The following VANGL1 variants were observed in gnomAD, a reference collection of about 807,000 sequenced individuals.
VANGL1 encodes vang-like protein 1.
A neutral mutation model predicts 48.4 loss-of-function variants in VANGL1; 18 were observed. The ratio of observed to expected loss-of-function variants is 0.37; its 90% CI spans 0.26 to 0.55. The LOEUF (loss-of-function observed/expected upper bound fraction) is 0.55. VANGL1 is among the 20% of genes least tolerant of loss of function. VANGL1 has a pLI of 0.81. For synonymous variants in VANGL1, 257 were observed against 261.8 expected, an observed-to-expected ratio of 0.98 and a Z score of 0.18; for missense variants, 667 against 675.8, an observed-to-expected ratio of 0.99 and a Z score of 0.14.
intron 7 of VANGL1, among the ~76,000 whole-genome samples, chr1:115,686,436 G>A (rs755697011): frequency 1.3e-5 from 2 of 151,366 alleles, no homozygotes; most frequent in Non-Finnish European, 2.9e-5. Context: ...TTACTGAGTG[G>A]TCTTTTAGAT....
chr1:115,678,572 G>C (rs561468873), intron 4 of VANGL1, among the ~76,000 whole-genome samples: 1 of 152,204 alleles, frequency 6.6e-6, no homozygotes, highest in African/African-American at 2.4e-5. Flanking sequence ...CCTTATGTAC[G>C]TGGCACAGCT....
chr1:115,651,750 T>C (rs1029521430), intron 2 of VANGL1, among the ~76,000 whole-genome samples: 7 of 152,112 alleles, frequency 4.6e-5, no homozygotes, highest in Non-Finnish European at 8.8e-5. Flanking sequence ...GTTTTTCATT[T>C]CTAGGTATTT....
At chr1:115,651,993 C>G (rs544201871) in intron 2 of VANGL1, among the ~76,000 whole-genome samples, 17 of 152,250 alleles carry the variant, frequency 1.1e-4, no homozygotes, top group Admixed American at 3.9e-4. Flanking sequence ...ACCTTGTGAT[C>G]CGCCCGCCTC....
At chr1:115,690,480 G>C (rs1653787569) in intron 7 of VANGL1, among the ~76,000 whole-genome samples, 4 of 152,248 alleles carry the variant, frequency 2.6e-5, no homozygotes, top group African/African-American at 9.6e-5. Flanking sequence ...TGCACACTTA[G>C]CCCAACATGG....
chr1:115,654,498 T>TAAA (rs869142756), intron 2 of VANGL1, among the ~76,000 whole-genome samples: 3,511 of 90,732 alleles, frequency 0.039, 243 homozygotes, highest in African/African-American at 0.13. Flanking sequence ...TTGGTAGGGC[T>TAAA]AAAAAAAAAA....
intron 2 of VANGL1, among the ~76,000 whole-genome samples, chr1:115,657,251 T>C (rs1326794965): frequency 3.9e-5 from 6 of 152,232 alleles, no homozygotes; most frequent in African/African-American, 1.4e-4. Context: ...ATAGCTCTAA[T>C]AGTTTTCAAG....
At chr1:115,642,241 C>T (rs982131669) in intron 1 of VANGL1, among the ~76,000 whole-genome samples, 155 bp downstream of exon 1, 13 of 151,912 alleles carry the variant, frequency 8.6e-5, no homozygotes, top group Non-Finnish European at 1.8e-4. Flanking sequence ...GCTCCCGCCT[C>T]GGGCCGGGGG....
At chr1:115,685,114 CCTTT>C (rs1020283087) in intron 6 of VANGL1, among the ~76,000 whole-genome samples, 175 bp from the exon 7 acceptor site, 4 of 152,268 alleles carry the variant, frequency 2.6e-5, no homozygotes, top group African/African-American at 9.6e-5. Flanking sequence ...TTTGCTGTTG[CCTTT>C]CTTTCTCCCT....
chr1:115,661,772 C>T (rs868417674), intron 3 of VANGL1, among the ~76,000 whole-genome samples: 9 of 152,114 alleles, frequency 5.9e-5, no homozygotes, highest in Middle Eastern at 3.2e-3. Context: ...CACGCACCAC[C>T]ACGCCCAGCT....
At chr1:115,649,641 G>A (rs374235686) in intron 1 of VANGL1, among the ~76,000 whole-genome samples, 4 of 152,168 alleles carry the variant, frequency 2.6e-5, no homozygotes, top group Non-Finnish European at 5.9e-5. Context: ...TGGTCTTCAC[G>A]GCAACCCTGA....
At position 115,653,204 on chromosome 1, in the gene VANGL1, C is replaced by T. The variant is rs532904191; in HGVS notation, c.71+1720C>T. Among the ~76,000 whole-genome samples the T allele has an allele frequency of 1.2e-4, 19 of 152,162 alleles. 1 individual carries two copies. The South Asian group carries it at 2.5e-3, about 20-fold the overall frequency. On this transcript the variant is annotated intron_variant, in intron 2 of 7. Coordinates refer to ENST00000355485, the MANE Select transcript of VANGL1 (RefSeq NM_138959.3). ...TCAAAATTTGGGGAAAACATGTCAG[C>T]GAGCTTGTGCTGGAGTCCAGGTAAG...
intron 4 of VANGL1, among the ~76,000 whole-genome samples, chr1:115,667,111 G>C (rs531140948): frequency 6.6e-6 from 1 of 152,362 alleles, no homozygotes; most frequent in African/African-American, 2.4e-5. Context: ...ATCACAGGCT[G>C]TTGGCTCTCC....
At chr1:115,686,262 C>G (rs1440469871) in intron 7 of VANGL1, among the ~76,000 whole-genome samples, 1 of 149,306 alleles carries the variant, frequency 6.7e-6, no homozygotes, top group African/African-American at 2.5e-5. Flanking sequence ...CTAAATAGCT[C>G]TATTTATTGG....
intron 7 of VANGL1, 75 bp from the exon 8 acceptor site, chr1:115,691,044 G>T (rs1046629933): frequency 3.7e-6 from 6 of 1,607,848 alleles, no homozygotes; most frequent in Non-Finnish European, 5.1e-6. Context: ...AGATGTGAGA[G>T]TGGATAGCCG....
At chr1:115,649,050 A>T (rs1652040082) in intron 1 of VANGL1, among the ~76,000 whole-genome samples, 1 of 152,152 alleles carries the variant, frequency 6.6e-6, no homozygotes, top group Admixed American at 6.5e-5. Flanking sequence ...GCACATCCTA[A>T]TGTTGACGTC....
intron 1 of VANGL1, among the ~76,000 whole-genome samples, chr1:115,646,681 AC>A (rs1651953586): frequency 6.6e-6 from 1 of 152,072 alleles, no homozygotes; most frequent in Non-Finnish European, 1.5e-5. Flanking sequence ...TTTATAGGGT[AC>A]CCATAATGTC....
intron 4 of VANGL1, among the ~76,000 whole-genome samples, chr1:115,666,099 G>A (rs1570753566): frequency 6.6e-6 from 1 of 152,230 alleles, no homozygotes; most frequent in African/African-American, 2.4e-5. Context: ...GAAAAATCCG[G>A]CTGTGGTCTC....
At chr1:115,675,275 A>T (rs929977469) in intron 4 of VANGL1, among the ~76,000 whole-genome samples, 25 of 152,078 alleles carry the variant, frequency 1.6e-4, no homozygotes, top group African/African-American at 5.1e-4. Context: ...GCTGAAATGG[A>T]TGGATCCCTT....
At position 115,696,340 on chromosome 1, in the gene VANGL1, T is replaced by G. The variant is rs932299346; in HGVS notation, c.*4961T>G. 2.0e-5 allele frequency: 3 copies of G among 152,268 alleles called. No homozygotes were observed. The highest frequency in any genetic ancestry group is 4.4e-5 in the Non-Finnish European group (3 of 68,076). The allele number at this position is 152,268 out of a possible 1,614,324, so 9.4% of individuals were successfully genotyped here. On this transcript the variant is annotated 3_prime_UTR_variant, in exon 8 of 8. Coordinates refer to ENST00000355485, the MANE Select transcript of VANGL1 (RefSeq NM_138959.3). Reference sequence around the variant, plus strand: ...AGTCCCTGGCCTGGCCTCCTTGACGTAGGTGTTCTCAGCAAGCAGTTTGCA... The same window carrying G: ...AGTCCCTGGCCTGGCCTCCTTGACGGAGGTGTTCTCAGCAAGCAGTTTGCA...
Sources: allele counts gnomAD v4.1 joint callset (sites outside exome capture counted in the v4.1 genomes callset), GRCh38; gene constraint gnomAD v4.1.1; transcripts MANE v1.5; gene names NCBI Gene and HGNC (gene_info 2026-07-23, HGNC 2026-07-21).